The following FBLN1 variants were observed in gnomAD, a reference collection of about 807,000 sequenced individuals.
FBLN1 encodes fibulin 1.
FBLN1 carries 34 observed loss-of-function variants against 89.7 expected under a neutral mutation model. The ratio of observed to expected loss-of-function variants is 0.38; its 90% CI spans 0.29 to 0.50. The LOEUF (loss-of-function observed/expected upper bound fraction) is 0.50, where lower values mean the gene tolerates loss of function less well. Among genes scored for constraint, FBLN1 ranks in the 20% least tolerant of loss-of-function variants. The pLI is 0.92. For synonymous variants in FBLN1, 393 were observed against 391.3 expected, an observed-to-expected ratio of 1.00 and a Z score of -0.05; for missense variants, 777 against 988.1, an observed-to-expected ratio of 0.79 and a Z score of 2.86.
intron 16 of FBLN1, among the ~76,000 whole-genome samples, chr22:45,592,132 G>A (rs1218362763): frequency 6.6e-6 from 1 of 152,194 alleles, no homozygotes; most frequent in Non-Finnish European, 1.5e-5. Context: ...GGTGCTACTA[G>A]TAGCGCCTCA....
At position 45,580,885 on chromosome 22, in the gene FBLN1, G is replaced by A. The variant is rs2089036583; in HGVS notation, c.1972+3777G>A. On this transcript the variant is annotated intron_variant, in intron 16 of 16. Transcript: ENST00000327858. The surrounding 1 kb of genome is among the most constrained non-coding windows in gnomAD (Gnocchi z 8.6). The stretch of plus-strand genomic sequence containing the variant: ...GAAAGACCCGTTCTTAGCGGGGATC[G>A]AGGAGCCCGCAGCAGGGCCCGCGCC... 6.6e-6 allele frequency among the ~76,000 whole-genome samples: 1 copy of A among 152,238 alleles called. No homozygotes were observed. The highest frequency in any genetic ancestry group is 2.4e-5 in the African/African-American group (1 of 41,458).
intron 14 of FBLN1, among the ~76,000 whole-genome samples, chr22:45,573,511 T>TAA (rs937319542): frequency 6.8e-6 from 1 of 146,776 alleles, no homozygotes; most frequent in African/African-American, 2.5e-5. Context: ...CTGTCTCTAC[T>TAA]AAAAAAAAAT....
At chr22:45,551,711 G>C (rs749068160) in intron 14 of FBLN1, among the ~76,000 whole-genome samples, 4 of 152,248 alleles carry the variant, frequency 2.6e-5, no homozygotes, top group Non-Finnish European at 5.9e-5. Flanking sequence ...ATCCCGAAGA[G>C]CTCATGGTTA....
In FBLN1 at chr22:45,543,439, G is replaced by A. The variant is rs760666192; in HGVS notation, c.1234G>A (p.Gly412Ser). 2 of 1,613,686 alleles carry A rather than the reference G, an allele frequency of 1.2e-6. No homozygotes were observed. Among genetic ancestry groups the A allele is most frequent in the Non-Finnish European group, 1.7e-6 (2 of 1,179,980 alleles). ...CCAGCGCTACCCCGGGCGCCTGTGT[G>A]GCCACAAGTGCGAGAACACGCTGGG... ...ECQRYPGRLC[G>S]HKCENTLGSY... Residue 412 changes from glycine (G) to serine (S), a missense_variant, in exon 11 of 17, where the codon GGC becomes AGC. Transcript: ENST00000327858.
Position 45,530,908 on chromosome 22 carries a change from T to C in FBLN1, c.485-357T>C, listed in dbSNP as rs9754364. Among the ~76,000 whole-genome samples the C allele has an allele frequency of 0.15, 23,492 of 151,892 alleles. 2,374 individuals carry two copies. Among genetic ancestry groups the C allele is most frequent in the African/African-American group, 0.29 (11,838 of 41,392 alleles). ...CTTCCTGAGTACCTGAGATTACAGG[T>C]GCATGCCGCTACACCTGGCTAATTT... On this transcript the variant is annotated intron_variant, in intron 4 of 16. Coordinates refer to ENST00000327858, the MANE Select transcript of FBLN1 (RefSeq NM_006486.3). The surrounding 1 kb of genome is among the most constrained non-coding windows in gnomAD (Gnocchi z 5.4).
chr22:45,579,970 C>A lies in FBLN1; in HGVS notation c.1972+2862C>A, dbSNP rs1411033415. ...GCCCAGCCTGAAGCAGCCCTGAAAA[C>A]GTGGGGTTGAACCCTTGCCGGCTCC... On this transcript the variant is annotated intron_variant, in intron 16 of 16. Coordinates refer to ENST00000327858, the MANE Select transcript of FBLN1 (RefSeq NM_006486.3). This position sits in a 1 kb window ranked among gnomAD's most constrained non-coding sequence, Gnocchi z 5.5. 6.6e-6 allele frequency among the ~76,000 whole-genome samples: 1 copy of A among 152,032 alleles called. No individual in the cohort carries two copies. Among genetic ancestry groups the A allele is most frequent in the Non-Finnish European group, 1.5e-5 (1 of 68,038 alleles).
In FBLN1 at chr22:45,502,946, C is replaced by A; in HGVS notation, c.-40C>A. Reference sequence around the variant, plus strand: ...CCGCTGCCCCAGGACCGCGCCCGCGCCTTTGTCCGCCGCCGCCCACCGCCC... The same window carrying A: ...CCGCTGCCCCAGGACCGCGCCCGCGACTTTGTCCGCCGCCGCCCACCGCCC... On this transcript the variant is annotated 5_prime_UTR_variant, in exon 1 of 17. Transcript: ENST00000327858. The A allele has an allele frequency of 1.0e-6, 1 of 980,156 alleles. No individual in the cohort carries two copies. The highest frequency in any genetic ancestry group is 1.2e-6 in the Non-Finnish European group (1 of 803,078). The allele number at this position is 980,156 out of a possible 1,614,324, so 60.7% of individuals were successfully genotyped here. A position where few individuals can be genotyped will look rare whatever the true frequency, so the allele number is the denominator to read the frequency against.
In FBLN1 at chr22:45,531,843, T is replaced by TAAC. The variant is rs2088412930; in HGVS notation, c.544+519_544+520insAAC. ...TGCACGTTACCGAGCCCCCAGGCCT[T>TAAC]GTGAAGGTGACAGAGGCCTCCCTCA... On this transcript the variant is annotated intron_variant, in intron 5 of 16. Coordinates refer to ENST00000327858, the MANE Select transcript of FBLN1 (RefSeq NM_006486.3). The surrounding 1 kb of genome is among the most constrained non-coding windows in gnomAD (Gnocchi z 4.9). 6.6e-6 allele frequency among the ~76,000 whole-genome samples: 1 copy of TAAC among 152,124 alleles called. No individual in the cohort carries two copies. The highest frequency in any genetic ancestry group is 2.4e-5 in the African/African-American group (1 of 41,432).
In FBLN1 at chr22:45,597,845, C is replaced by T. The variant is rs1429123510; in HGVS notation, c.1973-2462C>T. On this transcript the variant is annotated intron_variant, in intron 16 of 16. Transcript: ENST00000327858. The surrounding 1 kb of genome is among the most constrained non-coding windows in gnomAD (Gnocchi z 4.2). ...TTAGGGAACAGCCTGAAATTCCACC[C>T]CAGCTGCTGGGCCTTTCACTTTTGA... 6.6e-6 allele frequency among the ~76,000 whole-genome samples: 1 copy of T among 152,214 alleles called. No homozygotes were observed. The highest frequency in any genetic ancestry group is 6.5e-5 in the Admixed American group (1 of 15,282).
chr22:45,554,461 G>A (rs118137125), intron 14 of FBLN1, among the ~76,000 whole-genome samples: 4,906 of 152,216 alleles, frequency 0.032, 99 homozygotes, highest in Non-Finnish European at 0.047. Context: ...GGACTCCCCC[G>A]TTCAGTGCCC....
intron 2 of FBLN1, 81 bp downstream of exon 2, chr22:45,518,868 A>G: frequency 7.0e-6 from 9 of 1,284,160 alleles, no homozygotes; most frequent in Non-Finnish European, 9.9e-6. Flanking sequence ...AGTGTGTGCC[A>G]GACCTCTCGG....
Position 45,569,267 on chromosome 22 carries a change from G to A in FBLN1, c.1698-5244G>A, listed in dbSNP as rs536478361. Among the ~76,000 whole-genome samples the A allele has an allele frequency of 1.8e-4, 27 of 152,270 alleles. No individual in the cohort carries two copies. The South Asian group carries it at 3.1e-3, about 18-fold the overall frequency. On this transcript the variant is annotated intron_variant, in intron 14 of 16. Transcript: ENST00000327858. ...TCTAAAGTCCCTATCTCCAAATGCA[G>A]TCACATTCAACGAGGTAATTAAGGT...
At position 45,561,761 on chromosome 22, in the gene FBLN1, C is replaced by T. The variant is rs540895368; in HGVS notation, c.1697+11146C>T. Among the ~76,000 whole-genome samples, 2 of 152,260 alleles carry T rather than the reference C, an allele frequency of 1.3e-5. No homozygotes were observed. Among genetic ancestry groups the T allele is most frequent in the Admixed American group, 6.5e-5 (1 of 15,296 alleles). On this transcript the variant is annotated intron_variant, in intron 14 of 16. Transcript: ENST00000327858. The surrounding 1 kb of genome is among the most constrained non-coding windows in gnomAD (Gnocchi z 4.7). Reference sequence around the variant, plus strand: ...ATGGAGAGTTTATTAAGCATTAACTCACACGATCACAAGGTCCCACAATAG... The same window carrying T: ...ATGGAGAGTTTATTAAGCATTAACTTACACGATCACAAGGTCCCACAATAG...
chr22:45,571,165 C>T (rs1259970150), intron 14 of FBLN1, among the ~76,000 whole-genome samples: 1 of 132,582 alleles, frequency 7.5e-6, no homozygotes, highest in Non-Finnish European at 1.7e-5. Flanking sequence ...GAAAAACAAA[C>T]TATGAACATT....
chr22:45,533,617 C>T (rs980226806), intron 6 of FBLN1, 144 bp from the exon 7 acceptor site: 26 of 887,488 alleles, frequency 2.9e-5, no homozygotes, highest in Non-Finnish European at 4.4e-5. Context: ...GTCCACAGCC[C>T]GGATGTGCAC....
At chr22:45,535,889 T>TA (rs2088477088) in intron 8 of FBLN1, among the ~76,000 whole-genome samples, 3 of 152,198 alleles carry the variant, frequency 2.0e-5, no homozygotes, top group Admixed American at 2.0e-4. Context: ...AAAATTATTT[T>TA]AAAAAATACT....
chr22:45,522,089 G>T (rs1038067039), intron 2 of FBLN1, among the ~76,000 whole-genome samples: 1 of 151,960 alleles, frequency 6.6e-6, no homozygotes, highest in Non-Finnish European at 1.5e-5. Context: ...GGGTTCAAGC[G>T]ATTCTCCTGC....
chr22:45,563,369 C>T lies in FBLN1; in HGVS notation c.1698-11142C>T, dbSNP rs978160924. The T allele has an allele frequency of 3.5e-5, 55 of 1,563,644 alleles. No homozygotes were observed. The highest frequency in any genetic ancestry group is 3.5e-4 in the East Asian group (15 of 43,014). On this transcript the variant is annotated intron_variant, in intron 14 of 16. Coordinates refer to ENST00000327858, the MANE Select transcript of FBLN1 (RefSeq NM_006486.3). This position sits in a 1 kb window ranked among gnomAD's most constrained non-coding sequence, Gnocchi z 5.7. The stretch of plus-strand genomic sequence containing the variant: ...CAAGCGTCCCACACAGTGAGCCTCG[C>T]GTGCCTTGGTTTTATTTGGCATGGT...
At chr22:45,573,688 A>ACAAAC (rs1569262036) in intron 14 of FBLN1, among the ~76,000 whole-genome samples, 2 of 149,018 alleles carry the variant, frequency 1.3e-5, no homozygotes, top group African/African-American at 5.0e-5. Context: ...CTCAAAAAAA[A>ACAAAC]AAAAAAAAAA....
Sources: gnomAD v4.1 joint callset for allele counts (sites outside exome capture counted in the v4.1 genomes callset) on GRCh38, gnomAD v4.1.1 for gene constraint, Gnocchi (gnomAD v3.1) non-coding constraint, MANE v1.5 for transcripts, NCBI Gene and HGNC (gene_info 2026-07-23, HGNC 2026-07-21) for gene names.